The following PCDH15 variants were observed in gnomAD, a reference collection of about 807,000 sequenced individuals.
The protein encoded by PCDH15 is protocadherin related 15.
In PCDH15, 129 loss-of-function variants were observed where a neutral mutation model predicts 178.5. The observed-to-expected ratio is 0.72, with a 90% CI of 0.63 to 0.84. PCDH15 has a LOEUF of 0.84. Among genes scored for constraint, PCDH15 ranks in the 40% least tolerant of loss-of-function variants. PCDH15 has a pLI of 0.00. For missense variants in PCDH15, 2,230 were observed against 2,099.9 expected (o/e 1.06, Z -1.21); for synonymous variants, 800 against 732.0 (o/e 1.09, Z -1.50).
At chr10:55,507,100 G>C (rs1840774932) in intron 2 of PCDH15, among the ~76,000 whole-genome samples, 1 of 151,272 alleles carries the variant, frequency 6.6e-6, no homozygotes, top group African/African-American at 2.4e-5. Flanking sequence ...ATTTTATCTT[G>C]AAATTGCATA....
At chr10:54,325,291 G>A (rs1277201229) in intron 7 of PCDH15, among the ~76,000 whole-genome samples, 1 of 151,970 alleles carries the variant, frequency 6.6e-6, no homozygotes, top group African/African-American at 2.4e-5. Context: ...GTCAAAGCTG[G>A]GTAATGTTCA....
chr10:54,324,492 G>A (rs1329318705), intron 7 of PCDH15, among the ~76,000 whole-genome samples: 1 of 152,098 alleles, frequency 6.6e-6, no homozygotes, highest in African/African-American at 2.4e-5. Flanking sequence ...GCCGGGCACA[G>A]TGGTTCATGC....
At chr10:54,560,905 C>T (rs570034139) in intron 2 of PCDH15, among the ~76,000 whole-genome samples, 20 of 152,000 alleles carry the variant, frequency 1.3e-4, no homozygotes, top group Non-Finnish European at 2.6e-4. Context: ...GTGTTTGTGT[C>T]CTTGCCAGTT....
intron 18 of PCDH15, among the ~76,000 whole-genome samples, chr10:54,026,535 T>G (rs2093100560): frequency 6.6e-6 from 1 of 152,226 alleles, no homozygotes; most frequent in African/African-American, 2.4e-5. Flanking sequence ...TGACTGAATC[T>G]ATGACAACTT....
At chr10:53,852,031 C>T (rs1387490497) in intron 28 of PCDH15, among the ~76,000 whole-genome samples, 1 of 151,916 alleles carries the variant, frequency 6.6e-6, no homozygotes, top group Non-Finnish European at 1.5e-5. Flanking sequence ...CAAAAATACT[C>T]TAACTCAGTG....
chr10:54,828,035 C>T (rs1202790268), intron 3 of PCDH15, among the ~76,000 whole-genome samples: 3 of 151,936 alleles, frequency 2.0e-5, no homozygotes, highest in Non-Finnish European at 4.4e-5. Flanking sequence ...ATTTGGAAGG[C>T]TTTCTTTTGC....
intron 2 of PCDH15, among the ~76,000 whole-genome samples, chr10:55,026,701 G>T (rs1840484162): frequency 6.6e-6 from 1 of 151,894 alleles, no homozygotes; most frequent in African/African-American, 2.4e-5. Flanking sequence ...ATGAGGGGGA[G>T]AAATTGAAAA....
At chr10:54,843,758 A>G (rs1223746952) in intron 3 of PCDH15, among the ~76,000 whole-genome samples, 1 of 152,064 alleles carries the variant, frequency 6.6e-6, no homozygotes, top group Non-Finnish European at 1.5e-5. Flanking sequence ...GTTAAAAAGT[A>G]GTAAAAGTGC....
intron 1 of PCDH15, among the ~76,000 whole-genome samples, chr10:55,282,529 G>T (rs1284593336): frequency 6.6e-6 from 1 of 151,976 alleles, no homozygotes; most frequent in Non-Finnish European, 1.5e-5. Context: ...TCTTTAATAG[G>T]TCAGGCTTTC....
chr10:54,897,673 T>G (rs1954567808), intron 2 of PCDH15, among the ~76,000 whole-genome samples: 1 of 152,160 alleles, frequency 6.6e-6, no homozygotes, highest in Non-Finnish European at 1.5e-5. Flanking sequence ...CAGAAACAAA[T>G]GTAATATATG....
chr10:54,683,083 ATAT>A (rs1453954145), intron 1 of PCDH15, among the ~76,000 whole-genome samples: 3 of 152,264 alleles, frequency 2.0e-5, no homozygotes, highest in Admixed American at 1.3e-4. Flanking sequence ...AAATTCTGAG[ATAT>A]TATAAGACTT....
chr10:54,934,953 A>G (rs1837868671), intron 2 of PCDH15, among the ~76,000 whole-genome samples: 1 of 152,098 alleles, frequency 6.6e-6, no homozygotes, highest in South Asian at 2.1e-4. Flanking sequence ...ACTGGAAATC[A>G]TAATTCTCAG....
chr10:55,451,374 T>C (rs1839431730), intron 2 of PCDH15, among the ~76,000 whole-genome samples: 1 of 151,994 alleles, frequency 6.6e-6, no homozygotes, highest in South Asian at 2.1e-4. Flanking sequence ...GGCATGAGCC[T>C]GTAGTCCAAG....
At chr10:54,050,035 G>A (rs2093734773) in intron 18 of PCDH15, among the ~76,000 whole-genome samples, 1 of 152,072 alleles carries the variant, frequency 6.6e-6, no homozygotes, top group Admixed American at 6.5e-5. Flanking sequence ...CATTTTAACT[G>A]TGCATTTACC....
At chr10:55,560,565 CAA>C (rs1842177439) in intron 2 of PCDH15, among the ~76,000 whole-genome samples, 1 of 151,778 alleles carries the variant, frequency 6.6e-6, no homozygotes, top group African/African-American at 2.4e-5. Context: ...ACCATATATC[CAA>C]AAGTAAGCAT....
chr10:54,939,449 C>T (rs1838000246), intron 2 of PCDH15, among the ~76,000 whole-genome samples: 1 of 133,744 alleles, frequency 7.5e-6, no homozygotes, highest in Admixed American at 8.4e-5. Context: ...GAGCCGAGAC[C>T]TCGCCACTGC....
At chr10:55,242,235 T>C (rs541328343) in intron 1 of PCDH15, among the ~76,000 whole-genome samples, 1 of 152,270 alleles carries the variant, frequency 6.6e-6, no homozygotes, top group African/African-American at 2.4e-5. Flanking sequence ...GCTGCAAGCA[T>C]ATATCAGCTT....
intron 2 of PCDH15, among the ~76,000 whole-genome samples, chr10:54,650,280 C>T (rs988521941): frequency 6.6e-6 from 1 of 152,132 alleles, no homozygotes; most frequent in Admixed American, 6.6e-5. Context: ...CAGATTTGCT[C>T]TCAGATTTCC....
chr10:54,599,618 T>C (rs1422015864), intron 2 of PCDH15: 8 of 321,346 alleles, frequency 2.5e-5, no homozygotes, highest in African/African-American at 2.2e-5. Context: ...ATGGAAAATA[T>C]GCCAAAAGCA....
Sources: allele counts gnomAD v4.1 joint callset (sites outside exome capture counted in the v4.1 genomes callset), GRCh38; gene constraint gnomAD v4.1.1; transcripts MANE v1.5; gene names NCBI Gene and HGNC (gene_info 2026-07-23, HGNC 2026-07-21).